Variants in PLAC8L1 observed in about 807,000 individuals in gnomAD.
PLAC8L1 encodes the protein PLAC8-like protein 1.
A neutral mutation model predicts 16.3 loss-of-function variants in PLAC8L1; 13 were observed. The observed-to-expected ratio is 0.80, with a 90% confidence interval of 0.52 to 1.27. The LOEUF is 1.27. Ranked by LOEUF, PLAC8L1 falls within the 50% of genes most tolerant of loss-of-function variation. The pLI, the probability that PLAC8L1 is intolerant of heterozygous loss-of-function variation, is 0.00. For synonymous variants in PLAC8L1, 78 were observed against 79.3 expected, an observed-to-expected ratio of 0.98 and a Z score of 0.09; for missense variants, 184 against 220.2, an observed-to-expected ratio of 0.84 and a Z score of 1.04.
chr5:146,103,968 A>G (rs1322879071), intron 1 of PLAC8L1: 1 of 985,334 alleles, frequency 1.0e-6, no homozygotes, highest in Non-Finnish European at 1.2e-6. Context: ...TTTTAAGAAT[A>G]AAGAGATACC....
At chr5:146,095,105 T>C (rs1213607693) in intron 2 of PLAC8L1, among the ~76,000 whole-genome samples, 1 of 152,198 alleles carries the variant, frequency 6.6e-6, no homozygotes, top group Non-Finnish European at 1.5e-5. Flanking sequence ...GTGCAGATAA[T>C]GAGTGTACAC....
chr5:146,098,128 G>GGAAC, intron 2 of PLAC8L1, 28 bp downstream of exon 2: 1 of 1,593,474 alleles, frequency 6.3e-7, no homozygotes, highest in Non-Finnish European at 8.6e-7. Context: ...ATAGTAAGGA[G>GGAAC]GAACTTAAAT....
intron 2 of PLAC8L1, among the ~76,000 whole-genome samples, chr5:146,094,071 GTTGTT>G (rs1170846803): frequency 6.6e-6 from 1 of 152,022 alleles, no homozygotes; most frequent in Non-Finnish European, 1.5e-5. Context: ...TGTTGTTGTT[GTTGTT>G]TTGTTTCTTT....
rs533026670 is a variant in PLAC8L1, at chr5:146,089,940, C to T, written c.257-4343G>A. On this transcript the variant is annotated intron_variant, in intron 2 of 3. Coordinates refer to ENST00000311450, the MANE Select transcript of PLAC8L1 (RefSeq NM_001029869.3). ...TTTTAGTATAGACAGGGTTTCACCA[C>T]GTTGGCCAGGCTGGTCTCAAACTCC... Among the ~76,000 whole-genome samples the T allele has an allele frequency of 5.9e-5, 9 of 151,796 alleles. No homozygotes were observed. In the South Asian group the frequency reaches 8.4e-4, roughly 14 times the overall value.
intron 2 of PLAC8L1, among the ~76,000 whole-genome samples, chr5:146,092,514 C>T (rs1429353666): frequency 6.8e-6 from 1 of 147,492 alleles, no homozygotes; most frequent in Non-Finnish European, 1.5e-5. Flanking sequence ...ATGGTACATT[C>T]ATACAATGGA....
chr5:146,097,951 G>A (rs1336881687), intron 2 of PLAC8L1, among the ~76,000 whole-genome samples: 1 of 152,112 alleles, frequency 6.6e-6, no homozygotes, highest in African/African-American at 2.4e-5. Flanking sequence ...AATCTTTGAA[G>A]GCACCACTTA....
rs1763764004 is a variant in PLAC8L1 at position 146,099,013 on chromosome 5, A to G, written c.120-721T>C. Among the ~76,000 whole-genome samples, 3 of 152,216 alleles carry G rather than the reference A, an allele frequency of 2.0e-5. No homozygotes were observed. The South Asian group carries it at 6.2e-4, about 32-fold the overall frequency. On this transcript the variant is annotated intron_variant, in intron 1 of 3. Coordinates refer to ENST00000311450, the MANE Select transcript of PLAC8L1 (RefSeq NM_001029869.3). Reference sequence around the variant, plus strand: ...ATATTCCTATCATCAATCATTCTGAATTAGAAAATGAAAACCTGGTGGCTG... The same window carrying G: ...ATATTCCTATCATCAATCATTCTGAGTTAGAAAATGAAAACCTGGTGGCTG...
intron 1 of PLAC8L1, among the ~76,000 whole-genome samples, chr5:146,100,506 TATTA>T (rs1360844742): frequency 1.3e-5 from 2 of 152,230 alleles, no homozygotes; most frequent in East Asian, 3.8e-4. Flanking sequence ...ATGTCAATTT[TATTA>T]ATTGCCAAAT....
In PLAC8L1 at chr5:146,098,258, GC is replaced by G. The variant is rs1561785123; in HGVS notation, c.153del (p.Gln51HisfsTer70). The G allele has an allele frequency of 6.2e-7, 1 of 1,614,168 alleles. No homozygotes were observed. Reference sequence around the variant, plus strand: ...GTCCTGCCACTGGCTCCCCGAACAGGCTGCTTCACCACAGCGCTGGCTGGTA... The same window carrying G: ...GTCCTGCCACTGGCTCCCCGAACAGGTGCTTCACCACAGCGCTGGCTGGTA... ...GHVPASAVVK[Q>X]PVRGASGRTT... On this transcript the variant is annotated frameshift_variant, in exon 2 of 4. Coordinates refer to ENST00000311450, the MANE Select transcript of PLAC8L1 (RefSeq NM_001029869.3). LOFTEE classifies it high-confidence loss of function.
intron 2 of PLAC8L1, 80 bp from the exon 3 acceptor site, chr5:146,085,677 T>C (rs1763499149): frequency 6.8e-7 from 1 of 1,475,012 alleles, no homozygotes; most frequent in Admixed American, 1.9e-5. Context: ...ATTTACAACA[T>C]TATGCCACCA....
chr5:146,098,129 G>T, intron 2 of PLAC8L1, 27 bp downstream of exon 2: 2 of 1,592,960 alleles, frequency 1.3e-6, no homozygotes, highest in South Asian at 1.1e-5. Context: ...TAGTAAGGAG[G>T]AACTTAAATA....
chr5:146,091,217 GTGTCCA>G (rs1763613921), intron 2 of PLAC8L1, among the ~76,000 whole-genome samples: 1 of 152,162 alleles, frequency 6.6e-6, no homozygotes, highest in Non-Finnish European at 1.5e-5. Context: ...CCACTTATCA[GTGTCCA>G]CCCTGTATCA....
intron 2 of PLAC8L1, among the ~76,000 whole-genome samples, chr5:146,095,251 C>T (rs963918770): frequency 6.6e-6 from 1 of 152,174 alleles, no homozygotes; most frequent in Non-Finnish European, 1.5e-5. Context: ...TATCCATGGC[C>T]TTTCATTCAG....
chr5:146,088,674 A>C (rs575100966), intron 2 of PLAC8L1, among the ~76,000 whole-genome samples: 21 of 152,278 alleles, frequency 1.4e-4, no homozygotes, highest in Admixed American at 1.2e-3. Flanking sequence ...TCAATCATCT[A>C]CTGTAGACAT....
chr5:146,098,273 C>T lies in PLAC8L1; in HGVS notation c.139G>A (p.Ala47Thr), dbSNP rs148578622. Residue 47 changes from alanine to threonine, a missense_variant, in exon 2 of 4, where the codon GCT becomes ACT. Transcript: ENST00000311450. ...SNLRGHVPASAVVKQPVRGAS... is the reference protein window; with the variant it reads ...SNLRGHVPASTVVKQPVRGAS... ...CCCCGAACAGGCTGCTTCACCACAG[C>T]GCTGGCTGGTACATGGCCTCTGGAG... 56 of 1,613,962 alleles carry T rather than the reference C, an allele frequency of 3.5e-5. No homozygotes were observed. Among genetic ancestry groups the T allele is most frequent in the African/African-American group, 1.9e-4 (14 of 74,930 alleles).
Position 146,084,383 on chromosome 5 carries a change from G to C in PLAC8L1, c.*49C>G. ...GGAAAAAGCAATTGTTCCACTGAGA[G>C]GTTTGAGAGGAGGGTGTTGGGGAGT... On this transcript the variant is annotated 3_prime_UTR_variant, in exon 4 of 4. Transcript: ENST00000311450. 6.3e-7 allele frequency: 1 copy of C among 1,590,138 alleles called. No individual in the cohort carries two copies. The highest frequency in any genetic ancestry group is 8.6e-7 in the Non-Finnish European group (1 of 1,165,264).
In PLAC8L1 at chr5:146,105,361, T is replaced by C. The variant is rs1428430376; in HGVS notation, c.-1050A>G. ...GACATAGCTTCATAACTGCCTTCAA[T>C]CATGGGGTTCTGGGCAACTGTCATT... is the stretch of plus-strand genomic sequence containing the variant. On this transcript the variant is annotated 5_prime_UTR_variant, in exon 1 of 4. Coordinates refer to ENST00000311450, the MANE Select transcript of PLAC8L1 (RefSeq NM_001029869.3). 1.3e-5 allele frequency among the ~76,000 whole-genome samples: 2 copies of C among 152,026 alleles called. No homozygotes were observed. The highest frequency in any genetic ancestry group is 2.9e-5 in the Non-Finnish European group (2 of 68,006).
chr5:146,084,890 A>G (rs1763481450), intron 3 of PLAC8L1, among the ~76,000 whole-genome samples: 1 of 152,236 alleles, frequency 6.6e-6, no homozygotes, highest in African/African-American at 2.4e-5. Flanking sequence ...TGGAGTAGGT[A>G]ATAAGTGAAC....
chr5:146,088,703 C>T (rs1580972634), intron 2 of PLAC8L1, among the ~76,000 whole-genome samples: 1 of 152,296 alleles, frequency 6.6e-6, no homozygotes, highest in East Asian at 1.9e-4. Context: ...CCAAAGCAAA[C>T]TCTGAATTCA....
Sources: allele counts gnomAD v4.1 joint callset (sites outside exome capture counted in the v4.1 genomes callset), GRCh38; gene constraint gnomAD v4.1.1; transcripts MANE v1.5; gene names NCBI Gene and HGNC (gene_info 2026-07-23, HGNC 2026-07-21).